The following MYH14 variants were observed in gnomAD, a reference collection of about 807,000 sequenced individuals.
The protein encoded by MYH14 is myosin heavy chain 14.
In MYH14, 123 loss-of-function variants were observed where a neutral mutation model predicts 255.5. The ratio of observed to expected loss-of-function variants is 0.48; its 90% CI spans 0.42 to 0.56. MYH14 has a LOEUF of 0.56. Among genes scored for constraint, MYH14 ranks in the 20% least tolerant of loss-of-function variants. The pLI is 0.00. For missense variants in MYH14, 2,423 were observed against 2,802.3 expected, an observed-to-expected ratio of 0.86 and a Z score of 3.06; for synonymous variants, 1,095 against 1,161.2, an observed-to-expected ratio of 0.94 and a Z score of 1.16.
At chr19:50,233,014 G>A (rs2123242707) in intron 10 of MYH14, among the ~76,000 whole-genome samples, 2 of 152,226 alleles carry the variant, frequency 1.3e-5, no homozygotes, top group East Asian at 3.9e-4. Context: ...CACTGGAGTG[G>A]GTGGTGCTGA....
Position 50,221,160 on chromosome 19 carries a change from C to T in MYH14, c.563-1923C>T, listed in dbSNP as rs1257014792. The stretch of plus-strand genomic sequence containing the variant: ...TGTCACACTGTGTGTTATATTTCCT[C>T]CTGTGCCGTGCACTGTGCTGAGTGC... On this transcript the variant is annotated intron_variant, in intron 3 of 42. Transcript: ENST00000642316. The surrounding 1 kb of genome is among the most constrained non-coding windows in gnomAD (Gnocchi z 5.3). 6.6e-6 allele frequency among the ~76,000 whole-genome samples: 1 copy of T among 152,096 alleles called. No homozygotes were observed. Among genetic ancestry groups the T allele is most frequent in the African/African-American group, 2.4e-5 (1 of 41,400 alleles).
intron 10 of MYH14, among the ~76,000 whole-genome samples, chr19:50,242,635 A>G (rs956819458): frequency 6.6e-6 from 1 of 152,204 alleles, no homozygotes; most frequent in Non-Finnish European, 1.5e-5. Context: ...CAGCCAAACC[A>G]TATCAATTTC....
At position 50,224,253 on chromosome 19, in the gene MYH14, T is replaced by C. The variant is rs56354891; in HGVS notation, c.717+76T>C. ...GCCACCCAATGCATGATCTTCTTGG[T>C]AGACAGGGCCCAAGGCAGCAGTGGT... On this transcript the variant is annotated intron_variant, in intron 6 of 42. Transcript: ENST00000642316. The C allele has an allele frequency of 0.3, 483,990 of 1,601,880 alleles. 76,599 individuals carry two copies. The highest frequency in any genetic ancestry group is 0.39 in the South Asian group (35,417 of 90,834).
At chr19:50,238,230 A>G (rs2123262739) in intron 10 of MYH14, among the ~76,000 whole-genome samples, 1 of 152,270 alleles carries the variant, frequency 6.6e-6, no homozygotes, top group Admixed American at 6.5e-5. Flanking sequence ...TGTCAGCAAC[A>G]AGAGCTGACT....
chr19:50,252,873 C>T lies in MYH14; in HGVS notation c.1945+120C>T. 1.6e-6 allele frequency: 1 copy of T among 628,354 alleles called. No homozygotes were observed. The highest frequency in any genetic ancestry group is 2.8e-6 in the Non-Finnish European group (1 of 357,948). 38.9% of individuals were successfully genotyped at this position (628,354 alleles called of 1,614,324 possible). A position where few individuals can be genotyped will look rare whatever the true frequency, so the allele number is the denominator to read the frequency against. ...TGAACCTGAGTTTTCTGCTCAGACC[C>T]AGAATAGCCAGTGTCACAAATAGTA... On this transcript the variant is annotated intron_variant, in intron 16 of 42. Transcript: ENST00000642316. The surrounding 1 kb of genome is among the most constrained non-coding windows in gnomAD (Gnocchi z 4.2).
In MYH14 at chr19:50,266,830, T is replaced by C; in HGVS notation, c.2695-47T>C. 3 of 1,550,466 alleles carry C rather than the reference T, an allele frequency of 1.9e-6. No individual in the cohort carries two copies. The highest frequency in any genetic ancestry group is 2.6e-6 in the Non-Finnish European group (3 of 1,146,224). ...CTCAAACCCCACTAAGAGTGTGAGG[T>C]CTTGGCGCCTGAAGTCAGCCATTCC... On this transcript the variant is annotated intron_variant, in intron 22 of 42. Transcript: ENST00000642316. The surrounding 1 kb of genome is among the most constrained non-coding windows in gnomAD (Gnocchi z 4.1).
rs577443662 is a variant in MYH14, at chr19:50,252,258, C to A, written c.1831-381C>A. On this transcript the variant is annotated intron_variant, in intron 15 of 42. Transcript: ENST00000642316. The surrounding 1 kb of genome is among the most constrained non-coding windows in gnomAD (Gnocchi z 4.2). The stretch of plus-strand genomic sequence containing the variant: ...AGCCCCACAGCAAAGCCCTGAGTAC[C>A]CAGAAGGAGCCAGTGGTGTGAAACC... Among the ~76,000 whole-genome samples the A allele has an allele frequency of 3.2e-4, 49 of 152,250 alleles. No individual in the cohort carries two copies. The highest frequency in any genetic ancestry group is 1.0e-3 in the African/African-American group (42 of 41,534).
In MYH14 at chr19:50,302,581, TA is replaced by T. The variant is rs369994273; in HGVS notation, c.5678+724del. Reference sequence around the variant, plus strand: ...CTGGGTGACAGAGCCAGACTCCATTTAAAAAAAAAAAAGAAAGAAAAAAAGA... The same window carrying T: ...CTGGGTGACAGAGCCAGACTCCATTTAAAAAAAAAAAGAAAGAAAAAAAGA... On this transcript the variant is annotated intron_variant, in intron 40 of 42. Transcript: ENST00000642316. Among the ~76,000 whole-genome samples, 933 of 134,402 alleles carry T rather than the reference TA, an allele frequency of 6.9e-3. 3 individuals carry two copies. The highest frequency in any genetic ancestry group is 0.018 in the African/African-American group (640 of 35,826). The allele number at this position is 134,402 out of a possible 152,430, so 88.2% of individuals were successfully genotyped here. A position where few individuals can be genotyped will look rare whatever the true frequency, so the allele number is the denominator to read the frequency against.
In MYH14 at chr19:50,221,042, C is replaced by A. The variant is rs79849155; in HGVS notation, c.563-2041C>A. On this transcript the variant is annotated intron_variant, in intron 3 of 42. Coordinates refer to ENST00000642316, the MANE Select transcript of MYH14 (RefSeq NM_001145809.2). This position sits in a 1 kb window ranked among gnomAD's most constrained non-coding sequence, Gnocchi z 5.3. ...TGTCCCTGATTTCTGGGTGGGGAAA[C>A]TGAGGCACAGAGCAAAACAGTCATG... Among the ~76,000 whole-genome samples the A allele has an allele frequency of 2.4e-3, 365 of 152,190 alleles. 8 individuals are homozygous for A. The East Asian group carries it at 0.048, about 20-fold the overall frequency.
intron 40 of MYH14, among the ~76,000 whole-genome samples, chr19:50,306,171 G>A (rs553131497): frequency 2.6e-5 from 4 of 152,224 alleles, no homozygotes; most frequent in East Asian, 3.9e-4. Context: ...CCAGCTGCTC[G>A]GGAGGCTGAG....
Position 50,230,591 on chromosome 19 carries a change from A to G in MYH14, c.941A>G (p.Gln314Arg). Residue 314 changes from glutamine to arginine, a missense_variant, in exon 9 of 43, where the codon CAG (glutamine) becomes CGG (arginine). Physicochemically the swap from Gln to Arg is conservative, Grantham distance 43. This residue lies in a region of MYH14 where 672 missense variants were observed against 881.8 expected (regional missense o/e 0.76). Coordinates refer to ENST00000642316, the MANE Select transcript of MYH14 (RefSeq NM_001145809.2). The surrounding 1 kb of genome is among the most constrained non-coding windows in gnomAD (Gnocchi z 4.7). ...GAGTGCAGCTTCCACATCTTCTACCAGCTGCTGGGGGGCGCTGGAGAGCAG... is the reference window on the plus strand; with the variant it reads ...GAGTGCAGCTTCCACATCTTCTACCGGCTGCTGGGGGGCGCTGGAGAGCAG... ...KDECSFHIFY[Q>R]LLGGAGEQLK... 1 of 1,568,952 alleles carries G rather than the reference A, an allele frequency of 6.4e-7. No individual in the cohort carries two copies. Among genetic ancestry groups the G allele is most frequent in the East Asian group, 2.4e-5 (1 of 42,324 alleles).
intron 27 of MYH14, among the ~76,000 whole-genome samples, chr19:50,274,235 A>G (rs1258616040): frequency 1.3e-5 from 2 of 152,144 alleles, no homozygotes; most frequent in Non-Finnish European, 2.9e-5. Flanking sequence ...TTAAATGTAC[A>G]ATTCAGTAGA....
At position 50,230,385 on chromosome 19, in the gene MYH14, A is replaced by G; in HGVS notation, c.875-140A>G. The G allele has an allele frequency of 1.4e-6, 1 of 720,472 alleles. No individual in the cohort carries two copies. Among genetic ancestry groups the G allele is most frequent in the Non-Finnish European group, 2.4e-6 (1 of 421,496 alleles). The allele number at this position is 720,472 out of a possible 1,614,324, so 44.6% of individuals were successfully genotyped here. A position where few individuals can be genotyped will look rare whatever the true frequency, so the allele number is the denominator to read the frequency against. On this transcript the variant is annotated intron_variant, in intron 8 of 42. Coordinates refer to ENST00000642316, the MANE Select transcript of MYH14 (RefSeq NM_001145809.2). The surrounding 1 kb of genome is among the most constrained non-coding windows in gnomAD (Gnocchi z 4.7). Reference sequence around the variant, plus strand: ...ACGGCTGCTCTTCCAGTTAGTGGCAAAGTCACCAGCCTGGGCTGTGAGCGA... The same window carrying G: ...ACGGCTGCTCTTCCAGTTAGTGGCAGAGTCACCAGCCTGGGCTGTGAGCGA...
chr19:50,207,293 G>GAGAGAGAA (rs2031847889), intron 1 of MYH14, among the ~76,000 whole-genome samples: 2 of 149,878 alleles, frequency 1.3e-5, no homozygotes, highest in Admixed American at 6.7e-5. Context: ...GAGAGAGAGA[G>GAGAGAGAA]AGAGAGAGAG....
chr19:50,227,557 C>T (rs926748092), intron 8 of MYH14, among the ~76,000 whole-genome samples: 11 of 152,118 alleles, frequency 7.2e-5, no homozygotes, highest in East Asian at 1.9e-4. Context: ...TTAGGTCTAG[C>T]GAACCCCTCA....
rs1568461677 is a variant in MYH14 at position 50,210,540 on chromosome 19, C to G, written c.175C>G (p.Pro59Ala). 1 of 1,580,504 alleles carries G rather than the reference C, an allele frequency of 6.3e-7. No individual in the cohort carries two copies. Residue 59 changes from proline to alanine, a missense_variant, in exon 2 of 43, where the codon CCT (proline) becomes GCT (alanine). Pro to Ala is a conservative substitution (Grantham distance 27, BLOSUM62 -1). Coordinates refer to ENST00000642316, the MANE Select transcript of MYH14 (RefSeq NM_001145809.2). The stretch of plus-strand genomic sequence containing the variant: ...GACGGCCCGGCGTCTCGTGTGGGTG[C>G]CTTCGGAGCTTCACGGGTTCGAGGC... The part of the protein sequence containing the change: ...EWTARRLVWV[P>A]SELHGFEAAA...
In MYH14 at chr19:50,293,058, G is replaced by C. The variant is rs1205887219; in HGVS notation, c.5257-175G>C. 1.3e-5 allele frequency among the ~76,000 whole-genome samples: 2 copies of C among 152,014 alleles called. No individual in the cohort carries two copies. The highest frequency in any genetic ancestry group is 2.9e-5 in the Non-Finnish European group (2 of 67,994). On this transcript the variant is annotated intron_variant, in intron 37 of 42. Coordinates refer to ENST00000642316, the MANE Select transcript of MYH14 (RefSeq NM_001145809.2). This position sits in a 1 kb window ranked among gnomAD's most constrained non-coding sequence, Gnocchi z 4.1. ...CTGCAAGAGGTGAGCACAGGTCAGG[G>C]GCTCAGGAGACAGATTTAGGAGACA... is the stretch of plus-strand genomic sequence containing the variant.
chr19:50,281,624 G>A lies in MYH14; in HGVS notation c.4321G>A (p.Glu1441Lys), dbSNP rs759800705. The A allele has an allele frequency of 1.9e-6, 3 of 1,598,972 alleles. No homozygotes were observed. The highest frequency in any genetic ancestry group is 1.7e-6 in the Non-Finnish European group (2 of 1,172,172). ...LSEWRRRQEE[E>K]AGALEAGEEA... ...CGAGTGGCGGCGGCGCCAGGAGGAGGAGGCAGGGGCACTGGAGGCAGGGGA... is the reference window on the plus strand; with the variant it reads ...CGAGTGGCGGCGGCGCCAGGAGGAGAAGGCAGGGGCACTGGAGGCAGGGGA... The change falls in exon 33 of 43, where the codon GAG (glutamate) becomes AAG (lysine). Residue 1441 changes from glutamate to lysine, a missense_variant. This residue lies in a region of MYH14 where 1,513 missense variants were observed against 1,674.8 expected (regional missense o/e 0.90). Coordinates refer to ENST00000642316, the MANE Select transcript of MYH14 (RefSeq NM_001145809.2).
chr19:50,250,649 G>A lies in MYH14; in HGVS notation c.1791G>A (p.Arg597=), dbSNP rs370660049. ...AGTTCCAGCGGCCGAGGCACCTGCG[G>A]GATCAGGCCGACTTCAGTGTTCTCC... ...HPKFQRPRHL[R]DQADFSVLHY... Residue 597 remains arginine (R), a synonymous_variant, in exon 15 of 43, where the codon CGG becomes CGA. Transcript: ENST00000642316. The surrounding 1 kb of genome is among the most constrained non-coding windows in gnomAD (Gnocchi z 5.4). 67 of 1,613,822 alleles carry A rather than the reference G, an allele frequency of 4.2e-5. No homozygotes were observed. Among genetic ancestry groups the A allele is most frequent in the Non-Finnish European group, 5.3e-5 (63 of 1,179,844 alleles).
Sources: gnomAD v4.1 joint callset for allele counts (sites outside exome capture counted in the v4.1 genomes callset) on GRCh38, gnomAD v4.1.1 for gene constraint, gnomAD v4.1.1 regional missense constraint, Gnocchi (gnomAD v3.1) non-coding constraint, MANE v1.5 for transcripts, NCBI Gene and HGNC (gene_info 2026-07-23, HGNC 2026-07-21) for gene names.